The following GPR158 variants were observed in gnomAD, a reference collection of about 807,000 sequenced individuals.
GPR158 encodes metabotropic glycine receptor.
GPR158 carries 30 observed loss-of-function variants against 78.2 expected under a neutral mutation model. The observed-to-expected ratio is 0.38, with a 90% CI of 0.29 to 0.52. GPR158 has a LOEUF of 0.52. Ranked by LOEUF, GPR158 falls within the 20% of genes least tolerant of loss-of-function variation. GPR158 has a pLI of 0.83. For synonymous variants in GPR158, 581 were observed against 591.1 expected (o/e 0.98, Z 0.25); for missense variants, 1,463 against 1,523.5 (o/e 0.96, Z 0.66).
chr10:25,507,984 G>C (rs749801689), intron 5 of GPR158, among the ~76,000 whole-genome samples: 1 of 152,034 alleles, frequency 6.6e-6, no homozygotes, highest in Non-Finnish European at 1.5e-5. Flanking sequence ...AATTTTATAA[G>C]GACGGTTTTT....
chr10:25,356,225 T>C (rs1179703627), intron 2 of GPR158, among the ~76,000 whole-genome samples: 1 of 152,044 alleles, frequency 6.6e-6, no homozygotes, highest in Non-Finnish European at 1.5e-5. Flanking sequence ...TCAGAGTTTT[T>C]TCACTTCTAT....
intron 4 of GPR158, among the ~76,000 whole-genome samples, chr10:25,429,411 T>C (rs1834866868): frequency 6.6e-6 from 1 of 152,082 alleles, no homozygotes; most frequent in Non-Finnish European, 1.5e-5. Context: ...AGCAAATATT[T>C]TATGAGTTCC....
At chr10:25,400,945 A>G (rs181939320) in intron 3 of GPR158, among the ~76,000 whole-genome samples, 6 of 152,300 alleles carry the variant, frequency 3.9e-5, no homozygotes, top group African/African-American at 4.8e-5. Flanking sequence ...TTAGAGACAT[A>G]AAGAGTATGC....
At chr10:25,202,904 T>C (rs1852955921) in intron 1 of GPR158, among the ~76,000 whole-genome samples, 1 of 152,232 alleles carries the variant, frequency 6.6e-6, no homozygotes, top group Non-Finnish European at 1.5e-5. Flanking sequence ...CTCCGTGTCC[T>C]CTCCAGCACC....
intron 2 of GPR158, among the ~76,000 whole-genome samples, chr10:25,273,289 A>C (rs1400436393): frequency 6.6e-6 from 1 of 152,118 alleles, no homozygotes; most frequent in East Asian, 1.9e-4. Context: ...TAGATTATGC[A>C]GTCTAACAGG....
Position 25,466,660 on chromosome 10 carries a change from G to A in GPR158, c.1345G>A (p.Ala449Thr). The A allele has an allele frequency of 6.2e-7, 1 of 1,602,216 alleles. No homozygotes were observed. Among genetic ancestry groups the A allele is most frequent in the Non-Finnish European group, 8.5e-7 (1 of 1,172,236 alleles). ...TATTTTGTTTTTTCAGAGCATCCGG[G>A]CATCGGGCCTTATCCTGTTGGAAAC... Reference protein sequence around the residue: ...YHFRKAKSIRASGLILLETIL... With the variant: ...YHFRKAKSIRTSGLILLETIL... Residue 449 changes from alanine to threonine, a missense_variant, in exon 5 of 11, where the codon GCA becomes ACA. Ala to Thr is a moderately conservative substitution (Grantham distance 58). Transcript: ENST00000376351.
chr10:25,491,069 C>A (rs574261363), intron 5 of GPR158, among the ~76,000 whole-genome samples: 1 of 152,096 alleles, frequency 6.6e-6, no homozygotes, highest in African/African-American at 2.4e-5. Flanking sequence ...CAAATAAAAG[C>A]ATGAAGAATT....
intron 2 of GPR158, among the ~76,000 whole-genome samples, chr10:25,338,589 TA>T (rs1855259245): frequency 6.8e-6 from 1 of 146,548 alleles, no homozygotes; most frequent in Admixed American, 6.9e-5. Flanking sequence ...TAATACATAT[TA>T]TATATATTAT....
intron 1 of GPR158, among the ~76,000 whole-genome samples, chr10:25,209,354 C>T (rs1564391929): frequency 6.6e-6 from 1 of 152,166 alleles, no homozygotes; most frequent in Non-Finnish European, 1.5e-5. Context: ...CATCATGGCA[C>T]AATGCCACAT....
Position 25,176,175 on chromosome 10 carries a change from G to C in GPR158, c.755G>C (p.Arg252Pro). 6.3e-7 allele frequency: 1 copy of C among 1,579,722 alleles called. No individual in the cohort carries two copies. The highest frequency in any genetic ancestry group is 1.2e-5 in the South Asian group (1 of 86,782). Reference protein sequence around the residue: ...GPRGLGHSWRRKDGLGGDKSH... With the variant: ...GPRGLGHSWRPKDGLGGDKSH... ...CGGGGCCTGGGCCACAGCTGGCGGC[G>C]CAAGGACGGGCTCGGCGGGGACAAG... is the stretch of plus-strand genomic sequence containing the variant. The change falls in exon 1 of 11, where the codon CGC (arginine) becomes CCC (proline). Residue 252 changes from arginine to proline, a missense_variant. By Grantham distance (103) the Arg-to-Pro change is moderately radical. Coordinates refer to ENST00000376351, the MANE Select transcript of GPR158 (RefSeq NM_020752.3). The surrounding 1 kb of genome is among the most constrained non-coding windows in gnomAD (Gnocchi z 6.3).
At chr10:25,298,400 G>A (rs1454068452) in intron 2 of GPR158, among the ~76,000 whole-genome samples, 9 of 152,106 alleles carry the variant, frequency 5.9e-5, no homozygotes, top group Non-Finnish European at 1.2e-4. Context: ...TATAACCAAT[G>A]GGTTTTGCCT....
intron 3 of GPR158, among the ~76,000 whole-genome samples, 176 bp from the exon 4 acceptor site, chr10:25,412,074 G>T (rs1834599177): frequency 7.1e-6 from 1 of 139,962 alleles, no homozygotes; most frequent in Admixed American, 7.5e-5. Context: ...AAGATAAAAA[G>T]AATTTTGTTA....
chr10:25,442,771 A>G (rs1280851032), intron 4 of GPR158, among the ~76,000 whole-genome samples: 1 of 152,014 alleles, frequency 6.6e-6, no homozygotes, highest in African/African-American at 2.4e-5. Flanking sequence ...ACAGCGTCGA[A>G]TCGATTCTCT....
Position 25,327,074 on chromosome 10 carries a change from G to A in GPR158, c.1009-68837G>A, listed in dbSNP as rs752595079. 3.9e-5 allele frequency among the ~76,000 whole-genome samples: 6 copies of A among 152,188 alleles called. No individual in the cohort carries two copies. In the South Asian group the frequency reaches 6.2e-4, roughly 16 times the overall value. ...GCATGTAACCTCATTGTAAGCCAAG[G>A]AATGTCTGTATCTACAATTCTTAAT... On this transcript the variant is annotated intron_variant, in intron 2 of 10. Transcript: ENST00000376351.
At chr10:25,370,480 G>C in intron 2 of GPR158, among the ~76,000 whole-genome samples, 1 of 108,924 alleles carries the variant, frequency 9.2e-6, no homozygotes, top group Non-Finnish European at 2.0e-5. Flanking sequence ...GAGTGGTTTT[G>C]AGTGAGTTTC....
At chr10:25,276,378 G>A (rs1854183647) in intron 2 of GPR158, among the ~76,000 whole-genome samples, 1 of 152,144 alleles carries the variant, frequency 6.6e-6, no homozygotes, top group Admixed American at 6.6e-5. Flanking sequence ...TTCCTTTGTA[G>A]TGTTTAATTA....
chr10:25,198,385 G>A (rs1344641882), intron 1 of GPR158, among the ~76,000 whole-genome samples: 2 of 152,126 alleles, frequency 1.3e-5, no homozygotes, highest in African/African-American at 4.8e-5. Context: ...GTGGTGTGGG[G>A]GAGGAGAACA....
At chr10:25,270,105 A>C (rs1054187330) in intron 2 of GPR158, among the ~76,000 whole-genome samples, 1 of 152,176 alleles carries the variant, frequency 6.6e-6, no homozygotes, top group Non-Finnish European at 1.5e-5. Context: ...CCTTGAGGAC[A>C]CACAGAATCT....
At chr10:25,535,507 C>T (rs1194457934) in intron 5 of GPR158, among the ~76,000 whole-genome samples, 1 of 152,198 alleles carries the variant, frequency 6.6e-6, no homozygotes, top group Admixed American at 6.5e-5. Flanking sequence ...GAAGTGTATC[C>T]TTCTCCAGTT....
Sources: allele counts gnomAD v4.1 joint callset (sites outside exome capture counted in the v4.1 genomes callset), GRCh38; gene constraint gnomAD v4.1.1; non-coding constraint Gnocchi (gnomAD v3.1); transcripts MANE v1.5; gene names NCBI Gene and HGNC (gene_info 2026-07-23, HGNC 2026-07-21).